Variants in SNCAIP observed in about 807,000 individuals in gnomAD.
The protein encoded by SNCAIP is synuclein alpha interacting protein, also known as synphilin-1.
A neutral mutation model predicts 86.7 loss-of-function variants in SNCAIP; 43 were observed. The observed-to-expected ratio is 0.50, with a 90% CI of 0.39 to 0.64. The LOEUF is 0.64. SNCAIP is among the 30% of genes least tolerant of loss of function. The pLI, the probability that SNCAIP is intolerant of heterozygous loss-of-function variation, is 0.00. For synonymous variants in SNCAIP, 417 were observed against 427.2 expected (o/e 0.98, Z 0.29); for missense variants, 981 against 1,103.1 (o/e 0.89, Z 1.57).
At chr5:122,431,129 G>T (rs1388995230) in intron 5 of SNCAIP, among the ~76,000 whole-genome samples, 2 of 152,038 alleles carry the variant, frequency 1.3e-5, no homozygotes. Context: ...CTTAGTTTTG[G>T]AACAATTAGA....
At chr5:122,394,427 A>G (rs1561657980) in intron 2 of SNCAIP, among the ~76,000 whole-genome samples, 2 of 152,238 alleles carry the variant, frequency 1.3e-5, no homozygotes, top group Non-Finnish European at 2.9e-5. Flanking sequence ...TTCCCAGACT[A>G]GAAAATAACG....
At position 122,380,412 on chromosome 5, in the gene SNCAIP, C is replaced by G. The variant is rs1766447344; in HGVS notation, c.-46-10677C>G. Reference sequence around the variant, plus strand: ...TCCCCTTTATCATTTTTTATTGTGTCTATTTGATTCTTCTCTCTTTTTTTC... The same window carrying G: ...TCCCCTTTATCATTTTTTATTGTGTGTATTTGATTCTTCTCTCTTTTTTTC... On this transcript the variant is annotated intron_variant, in intron 1 of 10. Coordinates refer to ENST00000261368, the MANE Select transcript of SNCAIP (RefSeq NM_005460.4). 2.6e-5 allele frequency among the ~76,000 whole-genome samples: 4 copies of G among 151,744 alleles called. No individual in the cohort carries two copies. In the South Asian group the frequency reaches 6.3e-4, roughly 24 times the overall value.
At chr5:122,394,557 C>T (rs527310139) in intron 2 of SNCAIP, among the ~76,000 whole-genome samples, 1 of 152,180 alleles carries the variant, frequency 6.6e-6, no homozygotes, top group African/African-American at 2.4e-5. Context: ...CACATAAGCA[C>T]AAAGGTTTAA....
At position 122,377,546 on chromosome 5, in the gene SNCAIP, T is replaced by G. The variant is rs1052338983; in HGVS notation, c.-46-13543T>G. Among the ~76,000 whole-genome samples, 31 of 151,128 alleles carry G rather than the reference T, an allele frequency of 2.1e-4. 1 individual carries two copies. The highest frequency in any genetic ancestry group is 6.0e-4 in the African/African-American group (25 of 41,376). On this transcript the variant is annotated intron_variant, in intron 1 of 10. Transcript: ENST00000261368. The stretch of plus-strand genomic sequence containing the variant: ...AAAGAAAGAAAGAGAGATCAGATAT[T>G]TTTTTTATATACTTTAAGTTTTAGG...
At chr5:122,342,752 CCTCA>C (rs1448800534) in intron 1 of SNCAIP, among the ~76,000 whole-genome samples, 1 of 152,212 alleles carries the variant, frequency 6.6e-6, no homozygotes, top group Non-Finnish European at 1.5e-5. Context: ...CAGCTATCTG[CCTCA>C]CTCACCAGTA....
intron 3 of SNCAIP, among the ~76,000 whole-genome samples, chr5:122,412,548 T>C (rs1259048840): frequency 6.6e-6 from 1 of 152,148 alleles, no homozygotes; most frequent in Admixed American, 6.5e-5. Context: ...CAACTCCTCC[T>C]CCTTCCCAAT....
intron 1 of SNCAIP, among the ~76,000 whole-genome samples, chr5:122,351,536 CAAAAAAAAAAAAAAAAAAA>C (rs541191012): frequency 0.072 from 2,619 of 36,594 alleles, 152 homozygotes; most frequent in Admixed American, 0.12. Context: ...GACTCTGTAT[CAAAAAAAAAAAAAAAAAAA>C]AAAAAAAAAA....
intron 1 of SNCAIP, among the ~76,000 whole-genome samples, chr5:122,355,457 C>G (rs570712069): frequency 6.6e-6 from 1 of 151,930 alleles, no homozygotes; most frequent in South Asian, 2.1e-4. Context: ...TGATAAACCC[C>G]GGGTGTGAGG....
intron 6 of SNCAIP, among the ~76,000 whole-genome samples, chr5:122,435,096 G>A (rs538802986): frequency 3.3e-5 from 5 of 152,242 alleles, no homozygotes; most frequent in African/African-American, 1.2e-4. Flanking sequence ...CTCTCCTGAA[G>A]TGATAGATCC....
At chr5:122,351,895 G>A (rs1376888236) in intron 1 of SNCAIP, among the ~76,000 whole-genome samples, 1 of 152,148 alleles carries the variant, frequency 6.6e-6, no homozygotes, top group African/African-American at 2.4e-5. Context: ...CAGTGATGAT[G>A]ACCTCTTGTT....
At chr5:122,337,978 A>G (rs948859765) in intron 1 of SNCAIP, among the ~76,000 whole-genome samples, 9 of 152,368 alleles carry the variant, frequency 5.9e-5, no homozygotes, top group Admixed American at 1.3e-4. Flanking sequence ...ATAATATTTC[A>G]TCTTCCATAA....
chr5:122,335,435 C>A (rs574290413), intron 1 of SNCAIP, among the ~76,000 whole-genome samples: 1 of 152,180 alleles, frequency 6.6e-6, no homozygotes, highest in Non-Finnish European at 1.5e-5. Context: ...GTACAGCAAG[C>A]AGATACACCA....
chr5:122,413,192 T>C (rs1439888567), intron 3 of SNCAIP, among the ~76,000 whole-genome samples: 1 of 152,262 alleles, frequency 6.6e-6, no homozygotes, highest in Admixed American at 6.5e-5. Context: ...CTCTTTGTTA[T>C]GGCCAATAAA....
chr5:122,393,865 C>G (rs1467888254), intron 2 of SNCAIP, among the ~76,000 whole-genome samples: 1 of 152,128 alleles, frequency 6.6e-6, no homozygotes, highest in Admixed American at 6.5e-5. Context: ...TCATATTGTT[C>G]TAACTTAATG....
At chr5:122,378,030 T>C (rs1765744965) in intron 1 of SNCAIP, among the ~76,000 whole-genome samples, 1 of 149,412 alleles carries the variant, frequency 6.7e-6, no homozygotes, top group South Asian at 2.2e-4. Context: ...AGCAGCATGA[T>C]TTATAGTCCT....
intron 7 of SNCAIP, chr5:122,443,623 C>T (rs1341145512): frequency 1.1e-5 from 5 of 456,904 alleles, no homozygotes; most frequent in Admixed American, 2.3e-5. Context: ...TGCCTTTTTA[C>T]ACACCACTTT....
chr5:122,442,327 A>G (rs777404750), intron 7 of SNCAIP, among the ~76,000 whole-genome samples: 1 of 152,168 alleles, frequency 6.6e-6, no homozygotes, highest in Non-Finnish European at 1.5e-5. Flanking sequence ...AACTATAAAT[A>G]TAAAAGGCAA....
At chr5:122,344,665 G>A (rs1480162930) in intron 1 of SNCAIP, among the ~76,000 whole-genome samples, 1 of 152,212 alleles carries the variant, frequency 6.6e-6, no homozygotes, top group Non-Finnish European at 1.5e-5. Flanking sequence ...GGAAGGTAAG[G>A]AGGGTTAAGC....
At chr5:122,390,152 TCTGGG>T (rs1769045186) in intron 1 of SNCAIP, among the ~76,000 whole-genome samples, 1 of 152,104 alleles carries the variant, frequency 6.6e-6, no homozygotes, top group Non-Finnish European at 1.5e-5. Flanking sequence ...GATACTCAAA[TCTGGG>T]TACTTAAGAT....
Sources: allele counts gnomAD v4.1 joint callset (sites outside exome capture counted in the v4.1 genomes callset), GRCh38; gene constraint gnomAD v4.1.1; transcripts MANE v1.5; gene names NCBI Gene and HGNC (gene_info 2026-07-23, HGNC 2026-07-21).